The following SBNO2 variants were observed in gnomAD, a reference collection of about 807,000 sequenced individuals.
SBNO2 encodes the protein strawberry notch homolog 2.
Under a neutral mutation model 146.3 loss-of-function variants are expected in SBNO2, and 89 were observed. The ratio of observed to expected loss-of-function variants is 0.61; its 90% confidence interval spans 0.51 to 0.73. The LOEUF (loss-of-function observed/expected upper bound fraction) is 0.73. SBNO2 is among the 30% of genes least tolerant of loss of function. The pLI is 0.00. For synonymous variants in SBNO2, 1,147 were observed against 892.6 expected, an observed-to-expected ratio of 1.29 and a Z score of -5.08; for missense variants, 2,092 against 2,003.7, an observed-to-expected ratio of 1.04 and a Z score of -0.84.
At chr19:1,146,075 C>T (rs1032457968) in intron 4 of SBNO2, among the ~76,000 whole-genome samples, 22 of 152,158 alleles carry the variant, frequency 1.4e-4, no homozygotes, top group African/African-American at 4.3e-4. Context: ...GCCCCAGCCC[C>T]GGCCTCCAGC....
At chr19:1,171,451 C>T (rs538605729) in intron 1 of SBNO2, among the ~76,000 whole-genome samples, 2 of 152,314 alleles carry the variant, frequency 1.3e-5, no homozygotes, top group East Asian at 3.9e-4. Flanking sequence ...GCGCTGGCGT[C>T]ATGGGGGGCT....
intron 4 of SBNO2, among the ~76,000 whole-genome samples, chr19:1,146,489 T>C (rs1339369022): frequency 6.6e-6 from 1 of 152,178 alleles, no homozygotes; most frequent in Middle Eastern, 3.4e-3. Flanking sequence ...AGATCTCACA[T>C]GCCCATTACA....
intron 1 of SBNO2, among the ~76,000 whole-genome samples, chr19:1,159,837 A>G (rs920646308): frequency 2.7e-4 from 41 of 151,554 alleles, no homozygotes; most frequent in Admixed American, 2.2e-3. Flanking sequence ...GACACATTCA[A>G]GACATCCGTG....
intron 4 of SBNO2, among the ~76,000 whole-genome samples, chr19:1,128,864 G>T (rs561734916): frequency 3.0e-4 from 46 of 151,204 alleles, no homozygotes; most frequent in African/African-American, 1.1e-3. Context: ...GCTACTCGGG[G>T]GGCTGAGGCG....
At chr19:1,111,731 A>T in intron 23 of SBNO2, 117 bp from the exon 24 acceptor site, 1 of 699,922 alleles carries the variant, frequency 1.4e-6, no homozygotes, top group East Asian at 3.0e-5. Flanking sequence ...CCTCCCCTAG[A>T]CTCCTAGACC....
intron 3 of SBNO2, 38 bp downstream of exon 3, chr19:1,149,331 A>T: frequency 1.3e-6 from 2 of 1,526,056 alleles, no homozygotes; most frequent in Non-Finnish European, 1.8e-6. Context: ...CAGAATGAGC[A>T]AGCCTGGGGG....
intron 1 of SBNO2, among the ~76,000 whole-genome samples, chr19:1,161,590 T>G (rs1289961238): frequency 3.5e-5 from 5 of 144,712 alleles, no homozygotes; most frequent in South Asian, 4.6e-4. Flanking sequence ...GGGGTGGGGG[T>G]GCCTTCCTGT....
chr19:1,163,403 C>G (rs1312677858), intron 1 of SBNO2, among the ~76,000 whole-genome samples: 3 of 152,232 alleles, frequency 2.0e-5, no homozygotes, highest in Non-Finnish European at 4.4e-5. Flanking sequence ...TCCTTGACCT[C>G]AGCTTCCTGT....
chr19:1,113,820 C>G, intron 18 of SBNO2, 116 bp from the exon 19 acceptor site: 1 of 1,307,256 alleles, frequency 7.6e-7, no homozygotes, highest in Non-Finnish European at 9.9e-7. Context: ...CCCTGAGGGA[C>G]GGCAGGGTGG....
Position 1,133,443 on chromosome 19 carries a change from A to C in SBNO2, c.280-5678T>G, listed in dbSNP as rs374299833. Among the ~76,000 whole-genome samples the C allele has an allele frequency of 5.3e-5, 8 of 151,676 alleles. No homozygotes were observed. The East Asian group carries it at 1.2e-3, about 22-fold the overall frequency. On this transcript the variant is annotated intron_variant, in intron 4 of 31. Transcript: ENST00000361757. The stretch of plus-strand genomic sequence containing the variant: ...ACCAGGGGGCCCTCAAACCCTGTGC[A>C]CTCCGCCCCCTCGGGCTCACCCTGT...
chr19:1,121,372 A>G (rs2079899304), intron 11 of SBNO2, among the ~76,000 whole-genome samples: 1 of 152,150 alleles, frequency 6.6e-6, no homozygotes, highest in South Asian at 2.1e-4. Flanking sequence ...CCGGGTGCGA[A>G]GACACCAGCA....
intron 4 of SBNO2, among the ~76,000 whole-genome samples, chr19:1,138,870 C>G (rs1372431668): frequency 6.6e-6 from 1 of 151,214 alleles, no homozygotes; most frequent in African/African-American, 2.4e-5. Flanking sequence ...TGGGGCCCTC[C>G]ATGCGTCCAT....
chr19:1,165,963 CAGATCCCAGATCCCAGACCGCA>C (rs2080415352), intron 1 of SBNO2, among the ~76,000 whole-genome samples: 1 of 148,278 alleles, frequency 6.7e-6, no homozygotes, highest in Non-Finnish European at 1.5e-5. Context: ...TCTCAGACCC[CAGATCCCAGATCCCAGACCGCA>C]AGATCCCAGA....
intron 1 of SBNO2, among the ~76,000 whole-genome samples, 179 bp from the exon 2 acceptor site, chr19:1,154,581 T>C (rs2080272275): frequency 6.6e-6 from 1 of 152,024 alleles, no homozygotes; most frequent in Admixed American, 6.5e-5. Flanking sequence ...CCATCAGCAG[T>C]GCCACCCAAC....
chr19:1,134,022 G>A (rs1372179452), intron 4 of SBNO2, among the ~76,000 whole-genome samples: 2 of 152,066 alleles, frequency 1.3e-5, no homozygotes, highest in African/African-American at 4.8e-5. Context: ...ACAGCCCACA[G>A]GACCCACAGC....
At chr19:1,146,244 C>T (rs901095556) in intron 4 of SBNO2, among the ~76,000 whole-genome samples, 4 of 152,074 alleles carry the variant, frequency 2.6e-5, no homozygotes, top group African/African-American at 7.3e-5. Context: ...GCGGACTTGA[C>T]GGACGCGGTC....
chr19:1,122,854 C>T (rs373388613), intron 8 of SBNO2, 40 bp downstream of exon 8: 15 of 1,537,488 alleles, frequency 9.8e-6, no homozygotes, highest in Middle Eastern at 1.7e-4. Flanking sequence ...CCAGGGGCCT[C>T]GCGGACACAG....
At chr19:1,159,928 G>A (rs944877414) in intron 1 of SBNO2, among the ~76,000 whole-genome samples, 3 of 152,006 alleles carry the variant, frequency 2.0e-5, no homozygotes, top group Non-Finnish European at 2.9e-5. Context: ...AGAGGAGGGG[G>A]CCAGGGAAGG....
Position 1,112,426 on chromosome 19 carries a change from CGCTCCACGGCA to C in SBNO2, c.2480_2490del (p.Leu827ArgfsTer61). 6.2e-7 allele frequency: 1 copy of C among 1,605,322 alleles called. No individual in the cohort carries two copies. The highest frequency in any genetic ancestry group is 8.5e-7 in the Non-Finnish European group (1 of 1,178,202). ...CCGAACTGCTGGATGGCGCGGTCGG[CGCTCCACGGCA>C]GCTCCAAGGTCATGTGCACGCGGCG... On this transcript the variant is annotated frameshift_variant, in exon 21 of 32. Coordinates refer to ENST00000361757, the MANE Select transcript of SBNO2 (RefSeq NM_014963.3). LOFTEE classifies it high-confidence loss of function. The surrounding 1 kb of genome is among the most constrained non-coding windows in gnomAD (Gnocchi z 5.9).
Sources: gnomAD v4.1 joint callset for allele counts (sites outside exome capture counted in the v4.1 genomes callset) on GRCh38, gnomAD v4.1.1 for gene constraint, Gnocchi (gnomAD v3.1) non-coding constraint, MANE v1.5 for transcripts, NCBI Gene and HGNC (gene_info 2026-07-23, HGNC 2026-07-21) for gene names.